USP47: variants seen among roughly 807,000 people sequenced by gnomAD.
USP47 encodes the protein ubiquitin specific peptidase 47.
A neutral mutation model predicts 165.1 loss-of-function variants in USP47; 35 were observed. The ratio of observed to expected loss-of-function variants is 0.21; its 90% CI spans 0.16 to 0.28. USP47 has a LOEUF of 0.28. USP47 is among the 10% of genes least tolerant of loss of function. USP47 has a pLI of 1.00. For synonymous variants in USP47, 531 were observed against 544.5 expected (o/e 0.98, Z 0.35); for missense variants, 1,277 against 1,607.4 (o/e 0.79, Z 3.52).
chr11:11,924,355 T>C (rs1854084060), intron 11 of USP47, among the ~76,000 whole-genome samples: 2 of 152,188 alleles, frequency 1.3e-5, no homozygotes, highest in African/African-American at 4.8e-5. Context: ...TATACTTTGT[T>C]GATTTGATTT....
In USP47 at chr11:11,952,879, C is replaced by A; in HGVS notation, c.3714+8C>A. 1 of 1,586,682 alleles carries A rather than the reference C, an allele frequency of 6.3e-7. No individual in the cohort carries two copies. The highest frequency in any genetic ancestry group is 1.1e-5 in the South Asian group (1 of 87,414). Reference sequence around the variant, plus strand: ...GACGAATTGCGAGAGAAGGTAAGTTCATTTTAAACAAAACATGTATCTTAT... The same window carrying A: ...GACGAATTGCGAGAGAAGGTAAGTTAATTTTAAACAAAACATGTATCTTAT... On this transcript the variant is annotated splice_region_variant and intron_variant, in intron 25 of 27. Transcript: ENST00000527733.
chr11:11,946,736 A>C (rs1855868416), intron 20 of USP47, among the ~76,000 whole-genome samples: 1 of 147,138 alleles, frequency 6.8e-6, no homozygotes. Context: ...CTTAAAGCTT[A>C]AAAAGTGACA....
At chr11:11,924,669 T>C (rs1182906699) in intron 11 of USP47, among the ~76,000 whole-genome samples, 1 of 152,206 alleles carries the variant, frequency 6.6e-6, no homozygotes, top group African/African-American at 2.4e-5. Flanking sequence ...GTTTCTCCTT[T>C]GTGAGTTCTG....
Position 11,842,076 on chromosome 11 carries a change from C to T in USP47, c.-110C>T. The T allele has an allele frequency of 1.5e-6, 2 of 1,361,524 alleles. No homozygotes were observed. Among genetic ancestry groups the T allele is most frequent in the Non-Finnish European group, 2.0e-6 (2 of 994,880 alleles). The allele number at this position is 1,361,524 out of a possible 1,614,324, so 84.3% of individuals were successfully genotyped here. ...GCTGAGGCCTCCGCTATTGCTGGAG[C>T]GCAGGCGGCGGAGAGGATGACTGCC... On this transcript the variant is annotated 5_prime_UTR_variant, in exon 1 of 28. Coordinates refer to ENST00000527733, the MANE Select transcript of USP47 (RefSeq NM_001282659.2).
At chr11:11,866,286 A>G (rs894020320) in intron 1 of USP47, among the ~76,000 whole-genome samples, 6 of 152,232 alleles carry the variant, frequency 3.9e-5, no homozygotes, top group African/African-American at 1.4e-4. Flanking sequence ...TAAACTGGGA[A>G]CTAGATCCAA....
chr11:11,913,648 G>A (rs115844735), intron 8 of USP47, among the ~76,000 whole-genome samples: 1,668 of 152,040 alleles, frequency 0.011, 26 homozygotes, highest in African/African-American at 0.038. Flanking sequence ...AAGACAGGTT[G>A]GTTAATAGGT....
intron 8 of USP47, among the ~76,000 whole-genome samples, chr11:11,913,258 C>CAAAAAAAAA (rs796881838): frequency 2.5e-5 from 2 of 79,272 alleles, no homozygotes; most frequent in Admixed American, 1.2e-4. Flanking sequence ...ATCCCTTGTA[C>CAAAAAAAAA]AAAAAAAAAA....
chr11:11,955,127 C>T lies in USP47; in HGVS notation c.3856C>T (p.Leu1286Phe), dbSNP rs761896058. 3 of 1,613,856 alleles carry T rather than the reference C, an allele frequency of 1.9e-6. No individual in the cohort carries two copies. Among genetic ancestry groups the T allele is most frequent in the Non-Finnish European group, 2.5e-6 (3 of 1,179,924 alleles). ...AGTTTCTACCCTGAATGTCTGGCCT[C>T]TTTATATCTGTGATGATGGTGCGGT... ...PKVSTLNVWP[L>F]YICDDGAVIF... Residue 1286 changes from leucine to phenylalanine, a missense_variant, in exon 27 of 28, where the codon CTT (leucine) becomes TTT (phenylalanine). Coordinates refer to ENST00000527733, the MANE Select transcript of USP47 (RefSeq NM_001282659.2).
At chr11:11,877,917 TG>T (rs770210512) in intron 1 of USP47, among the ~76,000 whole-genome samples, 40 of 151,364 alleles carry the variant, frequency 2.6e-4, no homozygotes, top group Middle Eastern at 3.4e-3. Context: ...TAGTTATCTG[TG>T]GGTTATAGAG....
At chr11:11,926,425 T>G (rs995500555) in intron 11 of USP47, among the ~76,000 whole-genome samples, 4 of 152,128 alleles carry the variant, frequency 2.6e-5, no homozygotes, top group African/African-American at 7.2e-5. Context: ...TAAACGTTTG[T>G]AGAAATTTAT....
chr11:11,869,737 T>TA (rs1849910166), intron 1 of USP47, among the ~76,000 whole-genome samples: 1 of 152,210 alleles, frequency 6.6e-6, no homozygotes, highest in Non-Finnish European at 1.5e-5. Context: ...ATGATAGTAT[T>TA]AAGAGATGTC....
At chr11:11,863,541 A>G (rs1196284344) in intron 1 of USP47, among the ~76,000 whole-genome samples, 2 of 152,210 alleles carry the variant, frequency 1.3e-5, no homozygotes, top group Non-Finnish European at 2.9e-5. Flanking sequence ...ATTTTAATAC[A>G]GAAAGTAAAT....
chr11:11,879,069 G>A (rs1850662170), intron 1 of USP47, among the ~76,000 whole-genome samples: 1 of 152,038 alleles, frequency 6.6e-6, no homozygotes, highest in Non-Finnish European at 1.5e-5. Context: ...TGACTGTCAG[G>A]GAAAGCAAGA....
intron 1 of USP47, among the ~76,000 whole-genome samples, chr11:11,864,532 A>G (rs1849565608): frequency 6.6e-6 from 1 of 151,498 alleles, no homozygotes; most frequent in Non-Finnish European, 1.5e-5. Context: ...ATAACTCGCC[A>G]TTCCTCTCTG....
chr11:11,946,317 T>A (rs1855835452), intron 20 of USP47, among the ~76,000 whole-genome samples: 1 of 152,206 alleles, frequency 6.6e-6, no homozygotes, highest in Non-Finnish European at 1.5e-5. Context: ...GGCCAGGCCA[T>A]CAAATTCCAG....
At chr11:11,938,875 T>G (rs146017181) in intron 18 of USP47, among the ~76,000 whole-genome samples, 17 of 151,890 alleles carry the variant, frequency 1.1e-4, no homozygotes, top group Admixed American at 3.3e-4. Flanking sequence ...CCAAGAGAGA[T>G]AGAATCTGTA....
chr11:11,943,225 C>T (rs1318916695), intron 20 of USP47, 113 bp downstream of exon 20: 14 of 1,240,838 alleles, frequency 1.1e-5, no homozygotes, highest in African/African-American at 1.5e-5. Flanking sequence ...TTGTAACTTT[C>T]TGGATTATAA....
intron 19 of USP47, among the ~76,000 whole-genome samples, chr11:11,942,080 A>T (rs576935375): frequency 6.6e-6 from 1 of 152,130 alleles, no homozygotes; most frequent in Non-Finnish European, 1.5e-5. Flanking sequence ...GGACAACCCA[A>T]TAAACAAGAT....
At chr11:11,902,641 G>A in intron 5 of USP47, 74 bp from the exon 6 acceptor site, 1 of 1,094,758 alleles carries the variant, frequency 9.1e-7, no homozygotes, top group South Asian at 3.0e-5. Flanking sequence ...ACATTATTAT[G>A]ATTTTGATAT....
Sources: allele counts gnomAD v4.1 joint callset (sites outside exome capture counted in the v4.1 genomes callset), GRCh38; gene constraint gnomAD v4.1.1; transcripts MANE v1.5; gene names NCBI Gene and HGNC (gene_info 2026-07-23, HGNC 2026-07-21).